FBXW9: variants seen among roughly 807,000 people sequenced by gnomAD.
FBXW9 encodes F-box/WD repeat-containing protein 9.
Under a neutral mutation model 55.8 loss-of-function variants are expected in FBXW9, and 38 were observed. That is an observed-to-expected ratio of 0.68 (90% CI 0.53 to 0.89). The LOEUF is 0.89. Ranked by LOEUF, FBXW9 falls within the 40% of genes least tolerant of loss-of-function variation. The pLI, the probability that FBXW9 is intolerant of heterozygous loss-of-function variation, is 0.00. For synonymous variants in FBXW9, 289 were observed against 278.2 expected (o/e 1.04, Z -0.38); for missense variants, 590 against 619.4 (o/e 0.95, Z 0.50).
In FBXW9 at chr19:12,694,697, G is replaced by A. The variant is rs1456417504; in HGVS notation, c.575C>T (p.Ser192Phe). Residue 192 changes from serine to phenylalanine, a missense_variant, in exon 3 of 10, where the codon TCC (serine) becomes TTC (phenylalanine). Physicochemically the swap from Ser to Phe is radical, Grantham distance 155 (BLOSUM62 -2). Coordinates refer to ENST00000393261, the MANE Select transcript of FBXW9 (RefSeq NM_032301.3). Reference protein sequence around the residue: ...LQGGSLCLSGSRDRNVNLWDL... With the variant: ...LQGGSLCLSGFRDRNVNLWDL... ...CCACAAGTTGACGTTGCGATCTCGG[G>A]AGCCCGACAGACAGAGTGACCCACC... is the stretch of plus-strand genomic sequence containing the variant. 4 of 1,614,042 alleles carry A rather than the reference G, an allele frequency of 2.5e-6. No homozygotes were observed. The highest frequency in any genetic ancestry group is 2.2e-5 in the East Asian group (1 of 44,890).
At position 12,689,873 on chromosome 19, in the gene FBXW9, A is replaced by G. The variant is rs752910103; in HGVS notation, c.1034T>C (p.Leu345Pro). 4 of 1,613,828 alleles carry G rather than the reference A, an allele frequency of 2.5e-6. No homozygotes were observed. In the South Asian group the frequency reaches 4.4e-5, roughly 18 times the overall value. The stretch of plus-strand genomic sequence containing the variant: ...GGACATGCAGAGCAGGTAGGAGTCC[A>G]GCTACGAGAGGGACAAGGGACGGGA... ...RANSVLQRLQ[L>P]DSYLLCMSYQ... The change falls in exon 7 of 10, where the codon CTG (leucine) becomes CCG (proline). Residue 345 changes from leucine to proline, a missense_variant and splice_region_variant. By Grantham distance (98) the Leu-to-Pro change is moderately conservative (BLOSUM62 -3). Coordinates refer to ENST00000393261, the MANE Select transcript of FBXW9 (RefSeq NM_032301.3). The surrounding 1 kb of genome is among the most constrained non-coding windows in gnomAD (Gnocchi z 5.9).
Position 12,689,394 on chromosome 19 carries a change from C to T in FBXW9, c.1280G>A (p.Arg427Lys). The T allele has an allele frequency of 6.2e-7, 1 of 1,614,170 alleles. No homozygotes were observed. Residue 427 changes from arginine to lysine, a missense_variant, in exon 9 of 10, where the codon AGG becomes AAG. Physicochemically the swap from Arg to Lys is conservative, Grantham distance 26. Coordinates refer to ENST00000393261, the MANE Select transcript of FBXW9 (RefSeq NM_032301.3). This position sits in a 1 kb window ranked among gnomAD's most constrained non-coding sequence, Gnocchi z 5.9. ...TDPPRTICTR[R>K]HDNGLNRVCA... ...TACCCTATTGAGCCCATTGTCATGC[C>T]TTCGGGTGCAAATGGTCCTTGGTGG...
intron 5 of FBXW9, among the ~76,000 whole-genome samples, 199 bp downstream of exon 5, chr19:12,690,967 C>T (rs1213076298): frequency 6.6e-6 from 1 of 152,206 alleles, no homozygotes; most frequent in East Asian, 1.9e-4. Context: ...ACAGCCAGAA[C>T]TCTAACCCGC....
At chr19:12,692,090 T>C (rs2025016580) in intron 3 of FBXW9, among the ~76,000 whole-genome samples, 1 of 150,998 alleles carries the variant, frequency 6.6e-6, no homozygotes, top group South Asian at 2.1e-4. Flanking sequence ...GACAAGGTCT[T>C]GCTGTGTCAT....
chr19:12,696,360 T>A lies in FBXW9; in HGVS notation c.222A>T (p.Val74=). 1 of 1,607,148 alleles carries A rather than the reference T, an allele frequency of 6.2e-7. No homozygotes were observed. The highest frequency in any genetic ancestry group is 2.2e-5 in the East Asian group (1 of 44,674). The part of the protein sequence containing the change: ...EPRAASRVSA[V]SEPGLLSLPP... Reference sequence around the variant, plus strand: ...GAAGGCTCAGAAGGCCCGGCTCACTTACGGCCGAAACCCTGGACGCGGCCC... The same window carrying A: ...GAAGGCTCAGAAGGCCCGGCTCACTAACGGCCGAAACCCTGGACGCGGCCC... Residue 74 remains valine (V), a synonymous_variant, in exon 1 of 10, where the codon GTA becomes GTT. Transcript: ENST00000393261.
rs577588304 is a variant in FBXW9, at chr19:12,694,249, G to A, written c.678+345C>T. On this transcript the variant is annotated intron_variant, in intron 3 of 9. Coordinates refer to ENST00000393261, the MANE Select transcript of FBXW9 (RefSeq NM_032301.3). ...CCAGCTACTCAGGAGGCTGAGGCAG[G>A]AGAACCGCTTGAACCCGGGAAGCAG... Among the ~76,000 whole-genome samples the A allele has an allele frequency of 1.9e-3, 277 of 149,606 alleles. 1 individual carries two copies. The highest frequency in any genetic ancestry group is 6.6e-3 in the Admixed American group (98 of 14,926).
intron 5 of FBXW9, among the ~76,000 whole-genome samples, chr19:12,690,658 T>C (rs2145401408): frequency 6.6e-6 from 1 of 152,064 alleles, no homozygotes; most frequent in African/African-American, 2.4e-5. Flanking sequence ...GTGGCTCACA[T>C]CTGTAATCCC....
chr19:12,691,813 T>G (rs1004346871), intron 3 of FBXW9, among the ~76,000 whole-genome samples: 2 of 152,122 alleles, frequency 1.3e-5, no homozygotes, highest in African/African-American at 4.8e-5. Context: ...TGGAGTGCAG[T>G]GGCTTGATCT....
At position 12,689,379 on chromosome 19, in the gene FBXW9, A is replaced by G; in HGVS notation, c.1295T>C (p.Leu432Pro). 2 of 1,614,128 alleles carry G rather than the reference A, an allele frequency of 1.2e-6. No individual in the cohort carries two copies. Among genetic ancestry groups the G allele is most frequent in the Non-Finnish European group, 1.7e-6 (2 of 1,180,024 alleles). ...CATGGGGCAGGACCTTACCCTATTG[A>G]GCCCATTGTCATGCCTTCGGGTGCA... ...TICTRRHDNG[L>P]NRVCAEGNLV... Residue 432 changes from leucine to proline, a missense_variant, in exon 9 of 10, where the codon CTC becomes CCC. Leu to Pro is a moderately conservative substitution (Grantham distance 98). Transcript: ENST00000393261. This position sits in a 1 kb window ranked among gnomAD's most constrained non-coding sequence, Gnocchi z 5.9.
Position 12,689,899 on chromosome 19 carries a change from C to T in FBXW9, c.1033-25G>A, listed in dbSNP as rs1467502427. ...GCTACGAGAGGGACAAGGGACGGGACAGCTCAGGCCGGGCTGGGCCTGCAA... is the reference window on the plus strand; with the variant it reads ...GCTACGAGAGGGACAAGGGACGGGATAGCTCAGGCCGGGCTGGGCCTGCAA... On this transcript the variant is annotated intron_variant, in intron 6 of 9. Coordinates refer to ENST00000393261, the MANE Select transcript of FBXW9 (RefSeq NM_032301.3). The surrounding 1 kb of genome is among the most constrained non-coding windows in gnomAD (Gnocchi z 5.9). 2 of 1,613,058 alleles carry T rather than the reference C, an allele frequency of 1.2e-6. No homozygotes were observed. The highest frequency in any genetic ancestry group is 3.3e-5 in the Admixed American group (2 of 60,018).
intron 3 of FBXW9, among the ~76,000 whole-genome samples, chr19:12,693,501 G>GA (rs1214446276): frequency 4.7e-4 from 1 of 2,132 alleles, no homozygotes; most frequent in African/African-American, 8.5e-4. Context: ...TCTACTAAAG[G>GA]AAAAAAAAAA....
chr19:12,696,304 T>A lies in FBXW9; in HGVS notation c.278A>T (p.Tyr93Phe). 6.3e-7 allele frequency: 1 copy of A among 1,580,976 alleles called. No individual in the cohort carries two copies. Among genetic ancestry groups the A allele is most frequent in the Non-Finnish European group, 8.6e-7 (1 of 1,164,210 alleles). ...GTGGAGCACGAGGCGGGCGTCCAGG[T>A]AGGAGCAGATCTCGAGCAGCAGCTC... ...PPELLLEICSYLDARLVLHVL... is the reference protein window; with the variant it reads ...PPELLLEICSFLDARLVLHVL... The change falls in exon 1 of 10, where the codon TAC becomes TTC. Residue 93 changes from tyrosine (Y) to phenylalanine (F), a missense_variant. Coordinates refer to ENST00000393261, the MANE Select transcript of FBXW9 (RefSeq NM_032301.3).
At position 12,689,401 on chromosome 19, in the gene FBXW9, T is replaced by G. The variant is rs1307951282; in HGVS notation, c.1273A>C (p.Thr425Pro). Residue 425 changes from threonine (T) to proline (P), a missense_variant, in exon 9 of 10, where the codon ACC becomes CCC. By Grantham distance (38) the Thr-to-Pro change is conservative (BLOSUM62 -1). Transcript: ENST00000393261. The surrounding 1 kb of genome is among the most constrained non-coding windows in gnomAD (Gnocchi z 5.9). Reference protein sequence around the residue: ...VPTDPPRTICTRRHDNGLNRV... With the variant: ...VPTDPPRTICPRRHDNGLNRV... ...TTGAGCCCATTGTCATGCCTTCGGG[T>G]GCAAATGGTCCTTGGTGGGTCTGTG... is the stretch of plus-strand genomic sequence containing the variant. 1.2e-6 allele frequency: 2 copies of G among 1,613,924 alleles called. No homozygotes were observed. The highest frequency in any genetic ancestry group is 1.7e-6 in the Non-Finnish European group (2 of 1,179,986).
rs780928451 is a variant in FBXW9 at position 12,689,143 on chromosome 19, G to A, written c.*73C>T. The A allele has an allele frequency of 8.3e-7, 1 of 1,209,820 alleles. No homozygotes were observed. The highest frequency in any genetic ancestry group is 1.2e-6 in the Non-Finnish European group (1 of 812,952). 74.9% of individuals were successfully genotyped at this position (1,209,820 alleles called of 1,614,324 possible). On this transcript the variant is annotated 3_prime_UTR_variant, in exon 10 of 10. Transcript: ENST00000393261. This position sits in a 1 kb window ranked among gnomAD's most constrained non-coding sequence, Gnocchi z 5.9. Reference sequence around the variant, plus strand: ...ACGGGGCGGAGGCAGCACCAACATTGGGGATGGTCCCCCAAGAACAGAGGA... The same window carrying A: ...ACGGGGCGGAGGCAGCACCAACATTAGGGATGGTCCCCCAAGAACAGAGGA...
In FBXW9 at chr19:12,696,319, A is replaced by G. The variant is rs1472199713; in HGVS notation, c.263T>C (p.Leu88Pro). 1.3e-6 allele frequency: 2 copies of G among 1,588,032 alleles called. No homozygotes were observed. The highest frequency in any genetic ancestry group is 1.8e-5 in the Admixed American group (1 of 55,264). ...GLLSLPPELL[L>P]EICSYLDARL... is the part of the protein sequence containing the mutation. ...GGCGTCCAGGTAGGAGCAGATCTCG[A>G]GCAGCAGCTCCGGGGGAAGGCTCAG... Residue 88 changes from leucine to proline, a missense_variant, in exon 1 of 10, where the codon CTC becomes CCC. By Grantham distance (98) the Leu-to-Pro change is moderately conservative (BLOSUM62 -3). Transcript: ENST00000393261.
rs371533110 is a variant in FBXW9, at chr19:12,689,424, G to C, written c.1250C>G (p.Thr417Arg). 6 of 1,614,186 alleles carry C rather than the reference G, an allele frequency of 3.7e-6. No individual in the cohort carries two copies. The African/African-American group carries it at 8.0e-5, about 22-fold the overall frequency. ...GGTGCAAATGGTCCTTGGTGGGTCTGTGGGCACGTGCACCTAGTGAGGGGC... is the reference window on the plus strand; with the variant it reads ...GGTGCAAATGGTCCTTGGTGGGTCTCTGGGCACGTGCACCTAGTGAGGGGC... The part of the protein sequence containing the change: ...TDKTIRVHVP[T>R]DPPRTICTRR... Residue 417 changes from threonine to arginine, a missense_variant, in exon 9 of 10, where the codon ACA becomes AGA. Transcript: ENST00000393261. The surrounding 1 kb of genome is among the most constrained non-coding windows in gnomAD (Gnocchi z 5.9).
At position 12,689,422 on chromosome 19, in the gene FBXW9, C is replaced by G. The variant is rs959378844; in HGVS notation, c.1252G>C (p.Asp418His). Reference sequence around the variant, plus strand: ...CGGGTGCAAATGGTCCTTGGTGGGTCTGTGGGCACGTGCACCTAGTGAGGG... The same window carrying G: ...CGGGTGCAAATGGTCCTTGGTGGGTGTGTGGGCACGTGCACCTAGTGAGGG... ...DKTIRVHVPTDPPRTICTRRH... is the reference protein window; with the variant it reads ...DKTIRVHVPTHPPRTICTRRH... The change falls in exon 9 of 10, where the codon GAC (aspartate) becomes CAC (histidine). Residue 418 changes from aspartate (D) to histidine (H), a missense_variant. Physicochemically the swap from Asp to His is moderately conservative, Grantham distance 81 (BLOSUM62 -1). Coordinates refer to ENST00000393261, the MANE Select transcript of FBXW9 (RefSeq NM_032301.3). The surrounding 1 kb of genome is among the most constrained non-coding windows in gnomAD (Gnocchi z 5.9). The G allele has an allele frequency of 6.2e-7, 1 of 1,614,130 alleles. No individual in the cohort carries two copies. The highest frequency in any genetic ancestry group is 8.5e-7 in the Non-Finnish European group (1 of 1,180,030).
In FBXW9 at chr19:12,695,047, G is replaced by A. The variant is rs990265283; in HGVS notation, c.410-109C>T. On this transcript the variant is annotated intron_variant, in intron 1 of 9. Transcript: ENST00000393261. ...GGGAGCCCACACTACACCAGACTTG[G>A]ACAGAACCCCATGGAGATCCCTACT... 3.1e-6 allele frequency: 4 copies of A among 1,300,502 alleles called. No individual in the cohort carries two copies. In the African/African-American group the frequency reaches 5.9e-5, roughly 19 times the overall value. The allele number at this position is 1,300,502 out of a possible 1,614,324, so 80.6% of individuals were successfully genotyped here.
chr19:12,689,159 G>T lies in FBXW9; in HGVS notation c.*57C>A. 7.5e-7 allele frequency: 1 copy of T among 1,337,960 alleles called. No homozygotes were observed. The highest frequency in any genetic ancestry group is 1.1e-6 in the Non-Finnish European group (1 of 928,834). 82.9% of individuals were successfully genotyped at this position (1,337,960 alleles called of 1,614,324 possible). A position where few individuals can be genotyped will look rare whatever the true frequency, so the allele number is the denominator to read the frequency against. On this transcript the variant is annotated 3_prime_UTR_variant, in exon 10 of 10. Coordinates refer to ENST00000393261, the MANE Select transcript of FBXW9 (RefSeq NM_032301.3). This position sits in a 1 kb window ranked among gnomAD's most constrained non-coding sequence, Gnocchi z 5.9. The stretch of plus-strand genomic sequence containing the variant: ...ACCAACATTGGGGATGGTCCCCCAA[G>T]AACAGAGGAGGAAGCCCAGCCTCCG...
Sources: allele counts gnomAD v4.1 joint callset (sites outside exome capture counted in the v4.1 genomes callset), GRCh38; gene constraint gnomAD v4.1.1; non-coding constraint Gnocchi (gnomAD v3.1); transcripts MANE v1.5; gene names NCBI Gene and HGNC (gene_info 2026-07-23, HGNC 2026-07-21).